The following PTPRG variants were observed in gnomAD, a reference collection of about 807,000 sequenced individuals.
The protein encoded by PTPRG is receptor-type tyrosine-protein phosphatase gamma.
PTPRG carries 102 observed loss-of-function variants against 165.3 expected under a neutral mutation model. The observed-to-expected ratio is 0.62, with a 90% CI of 0.53 to 0.73. The LOEUF is 0.73. Ranked by LOEUF, PTPRG falls within the 30% of genes least tolerant of loss-of-function variation. The pLI, the probability that PTPRG is intolerant of heterozygous loss-of-function variation, is 0.00. For missense variants in PTPRG, 1,866 were observed against 1,861.4 expected (o/e 1.00, Z -0.05); for synonymous variants, 675 against 669.5 (o/e 1.01, Z -0.13).
intron 3 of PTPRG, among the ~76,000 whole-genome samples, chr3:61,998,025 C>T (rs1052819643): frequency 7.2e-5 from 11 of 152,172 alleles, no homozygotes; most frequent in African/African-American, 2.7e-4. Context: ...GCTAGTTTTC[C>T]TGTCATCCAT....
At chr3:62,188,663 G>A (rs747945631) in intron 8 of PTPRG, among the ~76,000 whole-genome samples, 1 of 152,122 alleles carries the variant, frequency 6.6e-6, no homozygotes, top group Non-Finnish European at 1.5e-5. Flanking sequence ...AAGAAGAATG[G>A]TTGCATCTGT....
intron 8 of PTPRG, among the ~76,000 whole-genome samples, chr3:62,188,878 A>G (rs1244040773): frequency 6.6e-6 from 1 of 152,186 alleles, no homozygotes; most frequent in Non-Finnish European, 1.5e-5. Flanking sequence ...GAAGCTTCCC[A>G]ATATGTACAT....
At chr3:62,057,746 G>A (rs981491239) in intron 4 of PTPRG, among the ~76,000 whole-genome samples, 11 of 152,142 alleles carry the variant, frequency 7.2e-5, no homozygotes, top group African/African-American at 1.7e-4. Context: ...CTGCTGTGCC[G>A]TTAACATTCC....
chr3:62,183,471 T>G (rs1385796342), intron 8 of PTPRG, among the ~76,000 whole-genome samples: 2 of 150,558 alleles, frequency 1.3e-5, no homozygotes, highest in Non-Finnish European at 3.0e-5. Flanking sequence ...GGCTGAGGCA[T>G]GAGAATTGCT....
chr3:61,719,208 T>C (rs1288951591), intron 1 of PTPRG, among the ~76,000 whole-genome samples: 1 of 152,248 alleles, frequency 6.6e-6, no homozygotes, highest in African/African-American at 2.4e-5. Context: ...ATATGAATTG[T>C]AGAAATTTGG....
At position 62,134,756 on chromosome 3, in the gene PTPRG, G is replaced by T. The variant is rs531823082; in HGVS notation, c.682+2088G>T. Among the ~76,000 whole-genome samples the T allele has an allele frequency of 2.6e-5, 4 of 152,298 alleles. No individual in the cohort carries two copies. The East Asian group carries it at 7.7e-4, about 29-fold the overall frequency. On this transcript the variant is annotated intron_variant, in intron 6 of 29. Transcript: ENST00000474889. ...GCAGAAAACCATGTTGATGTGGCAC[G>T]CTGTGTCCAGCAAATAGTAGGTACT...
chr3:61,598,410 T>C (rs1700759023), intron 1 of PTPRG, among the ~76,000 whole-genome samples: 1 of 152,186 alleles, frequency 6.6e-6, no homozygotes, highest in Admixed American at 6.5e-5. Context: ...GAGATTCCTT[T>C]TCTTATCTCT....
intron 1 of PTPRG, among the ~76,000 whole-genome samples, chr3:61,634,499 AGT>A (rs1701852013): frequency 6.6e-6 from 1 of 151,374 alleles, no homozygotes; most frequent in East Asian, 1.9e-4. Context: ...GACCTCCGAA[AGT>A]GTTGGGATTA....
chr3:61,597,367 G>A (rs903810769), intron 1 of PTPRG, among the ~76,000 whole-genome samples: 4 of 152,044 alleles, frequency 2.6e-5, no homozygotes, highest in Admixed American at 1.3e-4. Context: ...CCTTATCGTC[G>A]GCCCTCTAGA....
chr3:62,238,200 C>T (rs1480787378), intron 14 of PTPRG, among the ~76,000 whole-genome samples: 4 of 152,134 alleles, frequency 2.6e-5, no homozygotes, highest in South Asian at 2.1e-4. Context: ...TCACATTTCC[C>T]GTTTCACTTT....
At chr3:61,650,478 C>CTT (rs1416872568) in intron 1 of PTPRG, among the ~76,000 whole-genome samples, 4 of 152,200 alleles carry the variant, frequency 2.6e-5, no homozygotes, top group African/African-American at 9.6e-5. Context: ...AGAAGGGAAA[C>CTT]TTGGCACCTG....
chr3:61,575,033 A>G (rs1447639862), intron 1 of PTPRG, among the ~76,000 whole-genome samples: 1 of 152,218 alleles, frequency 6.6e-6, no homozygotes, highest in Non-Finnish European at 1.5e-5. Flanking sequence ...CATGTTGAGG[A>G]TCAAATTTCA....
intron 2 of PTPRG, among the ~76,000 whole-genome samples, chr3:61,857,087 A>G (rs1301034473): frequency 6.6e-6 from 1 of 151,516 alleles, no homozygotes; most frequent in Non-Finnish European, 1.5e-5. Flanking sequence ...TGTGTCTAGT[A>G]TCTTTTTTTT....
At chr3:61,599,348 A>G (rs1026015203) in intron 1 of PTPRG, among the ~76,000 whole-genome samples, 4 of 152,042 alleles carry the variant, frequency 2.6e-5, no homozygotes, top group African/African-American at 4.8e-5. Context: ...GGATTTCACA[A>G]TGTTGGCCAG....
At position 62,293,992 on chromosome 3, in the gene PTPRG, A is replaced by G. The variant is rs1387848648; in HGVS notation, c.*685A>G. 1 of 152,552 alleles carries G rather than the reference A, an allele frequency of 6.6e-6. No homozygotes were observed. Among genetic ancestry groups the G allele is most frequent in the Non-Finnish European group, 1.5e-5 (1 of 68,008 alleles). The allele number at this position is 152,552 out of a possible 1,614,324, so 9.4% of individuals were successfully genotyped here. A position where few individuals can be genotyped will look rare whatever the true frequency, so the allele number is the denominator to read the frequency against. On this transcript the variant is annotated 3_prime_UTR_variant, in exon 30 of 30. Transcript: ENST00000474889. ...AGTTTTTTAAAAATGTGTCAAAATAAAGGATAACTCTGTATTACAGCTTTC... is the reference window on the plus strand; with the variant it reads ...AGTTTTTTAAAAATGTGTCAAAATAGAGGATAACTCTGTATTACAGCTTTC...
chr3:61,809,266 T>C (rs532502393), intron 2 of PTPRG, among the ~76,000 whole-genome samples: 1 of 151,992 alleles, frequency 6.6e-6, no homozygotes, highest in African/African-American at 2.4e-5. Context: ...ATAATTATAT[T>C]ACCATACTAG....
intron 2 of PTPRG, among the ~76,000 whole-genome samples, chr3:61,862,204 C>A (rs1192484075): frequency 6.6e-6 from 1 of 152,014 alleles, no homozygotes; most frequent in African/African-American, 2.4e-5. Context: ...GATGCTAATG[C>A]CTATTGGAAA....
At chr3:62,096,869 C>T (rs1702137031) in intron 5 of PTPRG, among the ~76,000 whole-genome samples, 1 of 152,174 alleles carries the variant, frequency 6.6e-6, no homozygotes. Flanking sequence ...TAATGCCAAA[C>T]ACATTTTATA....
chr3:62,090,972 G>T (rs1284597743), intron 5 of PTPRG, among the ~76,000 whole-genome samples: 23 of 152,160 alleles, frequency 1.5e-4, no homozygotes, highest in Admixed American at 1.5e-3. Flanking sequence ...AATTTGCTGC[G>T]AACTTCAAAT....
Sources: allele counts gnomAD v4.1 joint callset (sites outside exome capture counted in the v4.1 genomes callset), GRCh38; gene constraint gnomAD v4.1.1; transcripts MANE v1.5; gene names NCBI Gene and HGNC (gene_info 2026-07-23, HGNC 2026-07-21).